The following CCDC33 variants were observed in gnomAD, a reference collection of about 807,000 sequenced individuals.
CCDC33 encodes the protein coiled-coil domain containing 33.
CCDC33 carries 94 observed loss-of-function variants against 91.9 expected under a neutral mutation model. That is an observed-to-expected ratio of 1.02 (90% CI 0.87 to 1.21). The LOEUF (loss-of-function observed/expected upper bound fraction) is 1.21, where lower values mean the gene tolerates loss of function less well. CCDC33 is among the 50% of genes most tolerant of loss of function. CCDC33 has a pLI of 0.00. For synonymous variants in CCDC33, 396 were observed against 374.5 expected, an observed-to-expected ratio of 1.06 and a Z score of -0.66; for missense variants, 940 against 935.5, an observed-to-expected ratio of 1.00 and a Z score of -0.06.
intron 5 of CCDC33, among the ~76,000 whole-genome samples, chr15:74,269,636 C>T (rs1322686261): frequency 6.6e-6 from 1 of 152,232 alleles, no homozygotes; most frequent in Admixed American, 6.5e-5. Flanking sequence ...CCCCAAGACA[C>T]AGGCAGAACT....
intron 2 of CCDC33, among the ~76,000 whole-genome samples, chr15:74,223,153 G>A (rs1196705172): frequency 6.6e-6 from 1 of 152,112 alleles, no homozygotes; most frequent in African/African-American, 2.4e-5. Flanking sequence ...CATCCCCTCA[G>A]TGCTGGACCC....
At chr15:74,333,234 A>T in intron 16 of CCDC33, 1 of 1,595,672 alleles carries the variant, frequency 6.3e-7, no homozygotes, top group South Asian at 1.1e-5. Flanking sequence ...GACCCCGGGG[A>T]GTTGGGAGCA....
rs2060406780 is a variant in CCDC33, at chr15:74,330,432, G to T, written c.1456+78G>T. 8 of 1,441,994 alleles carry T rather than the reference G, an allele frequency of 5.5e-6. No homozygotes were observed. In the Admixed American group the frequency reaches 1.3e-4, roughly 23 times the overall value. The allele number at this position is 1,441,994 out of a possible 1,614,324, so 89.3% of individuals were successfully genotyped here. ...TCCAGGTTGTGCAATAGGGTGGCTGGGAGCTTCTCCCAGATGTGCATGCTG... is the reference window on the plus strand; with the variant it reads ...TCCAGGTTGTGCAATAGGGTGGCTGTGAGCTTCTCCCAGATGTGCATGCTG... On this transcript the variant is annotated intron_variant, in intron 12 of 18. Coordinates refer to ENST00000398814, the MANE Select transcript of CCDC33 (RefSeq NM_025055.5).
chr15:74,318,966 G>T (rs1016358510), intron 11 of CCDC33, among the ~76,000 whole-genome samples: 2 of 151,350 alleles, frequency 1.3e-5, no homozygotes, highest in South Asian at 4.1e-4. Context: ...CCTACCTCTG[G>T]TGTCTTGGAG....
At chr15:74,246,634 G>A (rs2075538142) in intron 2 of CCDC33, among the ~76,000 whole-genome samples, 1 of 152,236 alleles carries the variant, frequency 6.6e-6, no homozygotes, top group African/African-American at 2.4e-5. Flanking sequence ...CCTCACACCT[G>A]TTAGGATGGC....
chr15:74,207,860 G>A (rs1318849967), intron 1 of CCDC33: 22 of 1,525,656 alleles, frequency 1.4e-5, no homozygotes, highest in Non-Finnish European at 1.7e-5. Context: ...ACCAGACCAA[G>A]TCTGACTCCA....
At chr15:74,231,943 G>A (rs766000618), upstream of CCDC33, among the ~76,000 whole-genome samples, 13 of 152,322 alleles carry the variant, frequency 8.5e-5, no homozygotes, top group Middle Eastern at 3.4e-3. Flanking sequence ...GAACCCAGGA[G>A]GCGGAGGTTG....
At chr15:74,288,271 C>A (rs351199) in intron 10 of CCDC33, among the ~76,000 whole-genome samples, 94,664 of 152,102 alleles carry the variant, frequency 0.62, 33,963 homozygotes, top group Non-Finnish European at 0.82. Flanking sequence ...CCTGTCAGCC[C>A]TACTGACATT....
At chr15:74,213,224 A>G (rs958264658), upstream of CCDC33, 1 of 152,086 alleles carries the variant, frequency 6.6e-6, no homozygotes, top group Non-Finnish European at 1.5e-5. Flanking sequence ...TCTAAAAAAA[A>G]AAAAAACAAA....
At chr15:74,335,480 T>G in intron 18 of CCDC33, 1 of 443,590 alleles carries the variant, frequency 2.3e-6, no homozygotes, top group Non-Finnish European at 4.1e-6. Flanking sequence ...ATTCTCAAAT[T>G]AGCACACCCT....
chr15:74,239,596 C>T (rs1221179995), intron 1 of CCDC33, among the ~76,000 whole-genome samples: 2 of 152,250 alleles, frequency 1.3e-5, no homozygotes, highest in Admixed American at 6.5e-5. Context: ...GCTCACAGCC[C>T]AGCCTCTCAT....
At chr15:74,239,957 T>G (rs992674666) in intron 1 of CCDC33, among the ~76,000 whole-genome samples, 9 of 152,232 alleles carry the variant, frequency 5.9e-5, no homozygotes, top group Non-Finnish European at 1.2e-4. Flanking sequence ...TTGGTTCTGA[T>G]GCAGGACATC....
intron 2 of CCDC33, among the ~76,000 whole-genome samples, chr15:74,256,581 T>C (rs2075872173): frequency 6.6e-6 from 1 of 152,132 alleles, no homozygotes; most frequent in Non-Finnish European, 1.5e-5. Context: ...GGTCCACCCA[T>C]TGCGGCCCAA....
chr15:74,209,074 G>C, intron 1 of CCDC33: 1 of 1,244,550 alleles, frequency 8.0e-7, no homozygotes, highest in Non-Finnish European at 1.0e-6. Flanking sequence ...GTCTGGCTCT[G>C]CCCCTCCTCC....
intron 18 of CCDC33, 177 bp downstream of exon 18, chr15:74,335,265 T>G: frequency 2.8e-6 from 2 of 707,614 alleles, no homozygotes; most frequent in Non-Finnish European, 5.2e-6. Context: ...TCGGTCTTAA[T>G]TCCCCCACCT....
intron 10 of CCDC33, among the ~76,000 whole-genome samples, chr15:74,285,637 A>G (rs1210702156): frequency 6.6e-6 from 1 of 151,808 alleles, no homozygotes; most frequent in Admixed American, 6.6e-5. Flanking sequence ...TTGAGGGCAG[A>G]CTAGATAACA....
At chr15:74,246,229 A>G (rs1266369984) in intron 2 of CCDC33, among the ~76,000 whole-genome samples, 2 of 152,224 alleles carry the variant, frequency 1.3e-5, no homozygotes, top group East Asian at 3.8e-4. Context: ...CCTAGAAGAA[A>G]ACACAGGGGA....
rs200117382 is a variant in CCDC33 at position 74,330,968 on chromosome 15, C to T, written c.1546-13C>T. ...ACCCATTCTCTCCCCTTCTCTCCTC[C>T]CCCATCTCACAGAAGAATGATCGAG... On this transcript the variant is annotated splice_polypyrimidine_tract_variant and intron_variant, in intron 13 of 18. Transcript: ENST00000398814. The T allele has an allele frequency of 1.1e-5, 18 of 1,574,992 alleles. No homozygotes were observed. The Admixed American group carries it at 2.3e-4, about 20-fold the overall frequency.
chr15:74,281,946 G>A, intron 10 of CCDC33, 97 bp downstream of exon 10: 2 of 1,047,078 alleles, frequency 1.9e-6, no homozygotes, highest in Non-Finnish European at 2.9e-6. Flanking sequence ...GGGACTTCTG[G>A]GAGGATGGGA....
Sources: gnomAD v4.1 joint callset for allele counts (sites outside exome capture counted in the v4.1 genomes callset) on GRCh38, gnomAD v4.1.1 for gene constraint, MANE v1.5 for transcripts, NCBI Gene and HGNC (gene_info 2026-07-23, HGNC 2026-07-21) for gene names.